Variants in STXBP2 observed in about 807,000 individuals in gnomAD.
STXBP2 encodes the protein syntaxin-binding protein 2.
STXBP2 carries 47 observed loss-of-function variants against 72.2 expected under a neutral mutation model. That is an observed-to-expected ratio of 0.65 (90% CI 0.51 to 0.83). STXBP2 has a LOEUF of 0.83. Ranked by LOEUF, STXBP2 falls within the 40% of genes least tolerant of loss-of-function variation. STXBP2 has a pLI of 0.00. For synonymous variants in STXBP2, 367 were observed against 338.7 expected (o/e 1.08, Z -0.92); for missense variants, 702 against 807.6 (o/e 0.87, Z 1.58).
chr19:7,630,749 A>G, the STXBP2 span: 2 of 1,535,858 alleles, frequency 1.3e-6, no homozygotes, highest in East Asian at 4.9e-5. Context: ...TCTGCCTCCC[A>G]TAAGCCGACC....
chr19:7,638,680 G>A (rs752164770), intron 1 of STXBP2, 46 bp from the exon 2 acceptor site: 6 of 1,607,472 alleles, frequency 3.7e-6, no homozygotes, highest in Non-Finnish European at 5.1e-6. Context: ...GGCAGTGGTG[G>A]GACCAGAGAA....
At chr19:7,636,982 C>T, upstream of STXBP2, 1 of 715,390 alleles carries the variant, frequency 1.4e-6, no homozygotes, top group South Asian at 7.4e-5. Context: ...GTCCTCCCCG[C>T]CAGGGACTCA....
intron 18 of STXBP2, 69 bp from the exon 19 acceptor site, chr19:7,647,656 G>A: frequency 6.2e-7 from 1 of 1,603,966 alleles, no homozygotes; most frequent in South Asian, 1.1e-5. Flanking sequence ...CACCAGCCGG[G>A]ACCGGGAGCC....
chr19:7,633,386 G>T, upstream of STXBP2: 1 of 1,561,114 alleles, frequency 6.4e-7, no homozygotes, highest in African/African-American at 1.4e-5. Context: ...TGGGGGTGGG[G>T]TGGGGGCAGG....
Position 7,646,343 on chromosome 19 carries a change from AGGTACTG to A in STXBP2, c.1452+3_1452+9del. On this transcript the variant is annotated splice_donor_variant and splice_donor_5th_base_variant and coding_sequence_variant and intron_variant, in exon 16 of 19. Coordinates refer to ENST00000221283, the MANE Select transcript of STXBP2 (RefSeq NM_006949.4). LOFTEE classifies it high-confidence loss of function. ...ACCCCGGTCATCAAGGATGTAATGG[AGGTACTG>A]GGTGGCAGGTCAGGGTGGGGGCCAG... 1 of 1,603,748 alleles carries A rather than the reference AGGTACTG, an allele frequency of 6.2e-7. No homozygotes were observed. The highest frequency in any genetic ancestry group is 1.1e-5 in the South Asian group (1 of 89,108).
intron 3 of STXBP2, 58 bp downstream of exon 3, chr19:7,639,158 C>G: frequency 6.4e-7 from 1 of 1,568,962 alleles, no homozygotes; most frequent in Non-Finnish European, 8.7e-7. Flanking sequence ...CTGACTGTGC[C>G]CCTCTCCCAG....
chr19:7,633,672 G>A (rs2031430163), upstream of STXBP2: 2 of 592,674 alleles, frequency 3.4e-6, no homozygotes, highest in Admixed American at 3.1e-5. Context: ...GTGGGTAGGG[G>A]GCAGGGCGAC....
Position 7,642,717 on chromosome 19 carries a change from C to A in STXBP2, c.903-49C>A. 1 of 1,600,256 alleles carries A rather than the reference C, an allele frequency of 6.2e-7. No homozygotes were observed. The highest frequency in any genetic ancestry group is 8.6e-7 in the Non-Finnish European group (1 of 1,168,978). ...CCCCCTGAGTGGGCTCACCCATGGCCTGTGGCTCCTCTCCCCTCACTCTCA... is the reference window on the plus strand; with the variant it reads ...CCCCCTGAGTGGGCTCACCCATGGCATGTGGCTCCTCTCCCCTCACTCTCA... On this transcript the variant is annotated intron_variant, in intron 10 of 18. Transcript: ENST00000221283. The surrounding 1 kb of genome is among the most constrained non-coding windows in gnomAD (Gnocchi z 6.0).
chr19:7,646,013 G>T, intron 15 of STXBP2: 1 of 587,372 alleles, frequency 1.7e-6, no homozygotes, highest in African/African-American at 1.9e-5. Flanking sequence ...CTCTGCCTCT[G>T]TCTTTGTCTT....
upstream of STXBP2, chr19:7,632,649 T>G (rs921886580): frequency 6.4e-7 from 1 of 1,562,098 alleles, no homozygotes; most frequent in African/African-American, 1.4e-5. The surrounding 1 kb of genome is among the most constrained non-coding windows in gnomAD (Gnocchi z 5.2). Context: ...GCCCTCCAGA[T>G]GACCACTTGC....
intron 14 of STXBP2, 110 bp downstream of exon 14, chr19:7,644,862 C>T: frequency 6.4e-7 from 1 of 1,555,370 alleles, no homozygotes; most frequent in Non-Finnish European, 8.7e-7. Flanking sequence ...ACTCACCGGG[C>T]TCACCAACCC....
chr19:7,646,580 C>T (rs1156532564), intron 16 of STXBP2: 5 of 607,630 alleles, frequency 8.2e-6, no homozygotes, highest in African/African-American at 3.6e-5. Flanking sequence ...CGGCTGCCTC[C>T]GCTATATCTC....
In STXBP2 at chr19:7,641,775, G is replaced by C. The variant is rs949311854; in HGVS notation, c.500G>C (p.Arg167Pro). Reference protein sequence around the residue: ...YCPFRAEERTRQLEVLAQQIA... With the variant: ...YCPFRAEERTPQLEVLAQQIA... ...CCCTTCCGGGCAGAGGAGCGCACGCGGCAGCTCGAGGTGCTGGCCCAGCAG... is the reference window on the plus strand; with the variant it reads ...CCCTTCCGGGCAGAGGAGCGCACGCCGCAGCTCGAGGTGCTGGCCCAGCAG... The change falls in exon 7 of 19, where the codon CGG (arginine) becomes CCG (proline). Residue 167 changes from arginine to proline, a missense_variant. By Grantham distance (103) the Arg-to-Pro change is moderately radical (BLOSUM62 -2). Coordinates refer to ENST00000221283, the MANE Select transcript of STXBP2 (RefSeq NM_006949.4). The C allele has an allele frequency of 7.1e-6, 11 of 1,551,564 alleles. No individual in the cohort carries two copies. The Admixed American group carries it at 7.8e-5, about 11-fold the overall frequency.
chr19:7,640,082 G>C (rs924120710), intron 4 of STXBP2: 5 of 622,850 alleles, frequency 8.0e-6, no homozygotes, highest in Middle Eastern at 4.2e-4. Context: ...GTGTGTCTGT[G>C]GGTCTGTGTG....
upstream of STXBP2, chr19:7,632,976 G>A: frequency 6.9e-7 from 1 of 1,454,828 alleles, no homozygotes; most frequent in East Asian, 2.5e-5. The surrounding 1 kb of genome is among the most constrained non-coding windows in gnomAD (Gnocchi z 5.2). Flanking sequence ...GATCCTCTCT[G>A]CAGAGCTGTT....
In STXBP2 at chr19:7,639,043, A is replaced by G; in HGVS notation, c.112A>G (p.Met38Val). 1 of 1,614,234 alleles carries G rather than the reference A, an allele frequency of 6.2e-7. No individual in the cohort carries two copies. The highest frequency in any genetic ancestry group is 8.5e-7 in the Non-Finnish European group (1 of 1,180,040). ...GGTGCTTATCATGGATCACCCAAGC[A>G]TGCGCATCTTGTCTTCCTGCTGCAA... Reference protein sequence around the residue: ...WKVLIMDHPSMRILSSCCKMS... With the variant: ...WKVLIMDHPSVRILSSCCKMS... Residue 38 changes from methionine (M) to valine (V), a missense_variant, in exon 3 of 19, where the codon ATG (methionine) becomes GTG (valine). Transcript: ENST00000221283.
At position 7,640,757 on chromosome 19, in the gene STXBP2, C is replaced by A. The variant is rs757357845; in HGVS notation, c.273C>A (p.Phe91Leu). The A allele has an allele frequency of 8.7e-6, 14 of 1,614,056 alleles. No individual in the cohort carries two copies. Among genetic ancestry groups the A allele is most frequent in the African/African-American group, 1.3e-5 (1 of 74,910 alleles). The change falls in exon 5 of 19, where the codon TTC becomes TTA. Residue 91 changes from phenylalanine (F) to leucine (L), a missense_variant. By Grantham distance (22) the Phe-to-Leu change is conservative. Transcript: ENST00000221283. ...CGGTTCAGGCCCTGATCAAAGACTT[C>A]CAGGGGACCCCGACTTTCACCTACA... ...EKSVQALIKD[F>L]QGTPTFTYKA...
rs2031973065 is a variant in STXBP2 at position 7,643,302 on chromosome 19, G to T, written c.1107+57G>T. On this transcript the variant is annotated intron_variant, in intron 13 of 18. Coordinates refer to ENST00000221283, the MANE Select transcript of STXBP2 (RefSeq NM_006949.4). Reference sequence around the variant, plus strand: ...TGGTCCTGCCAAGGCGGGGTATTGGGGAGGGGCTGAACTGTAGAGATGGGG... The same window carrying T: ...TGGTCCTGCCAAGGCGGGGTATTGGTGAGGGGCTGAACTGTAGAGATGGGG... 1.9e-6 allele frequency: 3 copies of T among 1,572,644 alleles called. No individual in the cohort carries two copies. The African/African-American group carries it at 4.0e-5, about 21-fold the overall frequency.
At chr19:7,629,936 G>A in the STXBP2 span, 21 of 1,429,728 alleles carry the variant, frequency 1.5e-5, no homozygotes, top group Non-Finnish European at 1.9e-5. Context: ...TGGAAATGGG[G>A]GGACTTCAAA....
Sources: gnomAD v4.1 joint callset for allele counts on GRCh38, gnomAD v4.1.1 for gene constraint, Gnocchi (gnomAD v3.1) non-coding constraint, MANE v1.5 for transcripts, NCBI Gene and HGNC (gene_info 2026-07-23, HGNC 2026-07-21) for gene names.